Variants in TFDP2 observed in about 807,000 individuals in gnomAD.
The protein encoded by TFDP2 is transcription factor Dp-2.
In TFDP2, 17 loss-of-function variants were observed where a neutral mutation model predicts 59.3. The observed-to-expected ratio is 0.29, with a 90% CI of 0.20 to 0.43. The LOEUF (loss-of-function observed/expected upper bound fraction) is 0.43, where lower values mean the gene tolerates loss of function less well. Ranked by LOEUF, TFDP2 falls within the 20% of genes least tolerant of loss-of-function variation. The pLI, the probability that TFDP2 is intolerant of heterozygous loss-of-function variation, is 1.00. For missense variants in TFDP2, 391 were observed against 528.8 expected, an observed-to-expected ratio of 0.74 and a Z score of 2.56; for synonymous variants, 180 against 194.7, an observed-to-expected ratio of 0.92 and a Z score of 0.63.
At chr3:142,071,435 C>A (rs1216700140) in intron 3 of TFDP2, among the ~76,000 whole-genome samples, 1 of 151,996 alleles carries the variant, frequency 6.6e-6, no homozygotes, top group African/African-American at 2.4e-5. Flanking sequence ...AAGGAATACA[C>A]GCGTGAGCCA....
intron 1 of TFDP2, among the ~76,000 whole-genome samples, chr3:142,133,862 A>C (rs2062609222): frequency 6.6e-6 from 1 of 151,886 alleles, no homozygotes; most frequent in South Asian, 2.1e-4. Context: ...TAGTGGGACT[A>C]AAAATAGGAG....
intron 3 of TFDP2, among the ~76,000 whole-genome samples, chr3:142,056,913 G>A (rs78916628): frequency 0.045 from 6,899 of 152,252 alleles, 511 homozygotes; most frequent in African/African-American, 0.15. Context: ...AAATACCTAC[G>A]TAAGCCACTC....
intron 3 of TFDP2, among the ~76,000 whole-genome samples, chr3:142,032,385 A>C (rs1946474078): frequency 6.6e-6 from 1 of 151,838 alleles, no homozygotes; most frequent in East Asian, 1.9e-4. Context: ...GTGAGCTACT[A>C]CGCTTAGCTC....
At position 141,986,799 on chromosome 3, in the gene TFDP2, C is replaced by A. The variant is rs1942150354; in HGVS notation, c.356+6739G>T. The stretch of plus-strand genomic sequence containing the variant: ...GCATTCTAGATGCTTCATATCCTTG[C>A]CAAACTTAGCACTGTCTATCCTTTT... On this transcript the variant is annotated intron_variant, in intron 6 of 12. Coordinates refer to ENST00000489671, the MANE Select transcript of TFDP2 (RefSeq NM_001178139.2). Among the ~76,000 whole-genome samples the A allele has an allele frequency of 3.3e-5, 5 of 152,120 alleles. No homozygotes were observed. The South Asian group carries it at 1.0e-3, about 31-fold the overall frequency.
At chr3:141,997,849 CAAAAAAAAAA>C (rs3058569) in intron 4 of TFDP2, among the ~76,000 whole-genome samples, 3 of 84,020 alleles carry the variant, frequency 3.6e-5, no homozygotes, top group South Asian at 4.6e-4. Context: ...GACTCCATCT[CAAAAAAAAAA>C]AAAAAAAAAA....
At chr3:142,129,852 T>C (rs2062428428) in intron 1 of TFDP2, among the ~76,000 whole-genome samples, 1 of 152,068 alleles carries the variant, frequency 6.6e-6, no homozygotes, top group Non-Finnish European at 1.5e-5. Flanking sequence ...TCAACATCCC[T>C]AATGATTAGG....
intron 3 of TFDP2, among the ~76,000 whole-genome samples, chr3:142,023,460 G>A (rs1289422913): frequency 6.6e-6 from 1 of 152,062 alleles, no homozygotes; most frequent in Admixed American, 6.5e-5. Flanking sequence ...CAATGTGCTG[G>A]GATTACAGGC....
At chr3:142,005,132 T>C (rs1366796848) in intron 4 of TFDP2, among the ~76,000 whole-genome samples, 1 of 152,212 alleles carries the variant, frequency 6.6e-6, no homozygotes, top group Non-Finnish European at 1.5e-5. Context: ...ACTGTGGCCT[T>C]GACCTCTTGG....
At chr3:142,038,709 TATC>T (rs1294933409) in intron 3 of TFDP2, among the ~76,000 whole-genome samples, 2 of 152,106 alleles carry the variant, frequency 1.3e-5, no homozygotes, top group Admixed American at 1.3e-4. Context: ...TGTGTACACA[TATC>T]GAGTCTTTCT....
intron 2 of TFDP2, among the ~76,000 whole-genome samples, chr3:142,095,084 G>A (rs918443878): frequency 1.1e-4 from 17 of 151,572 alleles, no homozygotes; most frequent in African/African-American, 1.9e-4. Flanking sequence ...TCTGCGTCCC[G>A]GGTTCAAGCA....
chr3:141,973,123 A>ATTTTTTTTTTT (rs761950988), intron 8 of TFDP2, among the ~76,000 whole-genome samples: 39 of 57,940 alleles, frequency 6.7e-4, no homozygotes, highest in Non-Finnish European at 1.0e-3. Flanking sequence ...ATATATATAT[A>ATTTTTTTTTTT]TTTTTTTTTT....
At chr3:142,039,896 TAAC>T (rs1022995240) in intron 3 of TFDP2, among the ~76,000 whole-genome samples, 3 of 152,056 alleles carry the variant, frequency 2.0e-5, no homozygotes, top group African/African-American at 7.2e-5. Flanking sequence ...AGGTACCAGG[TAAC>T]AGCAGCCCAA....
At chr3:141,982,331 A>G (rs1941580613) in intron 6 of TFDP2, among the ~76,000 whole-genome samples, 1 of 152,206 alleles carries the variant, frequency 6.6e-6, no homozygotes, top group Admixed American at 6.5e-5. Flanking sequence ...GAACTGGTTA[A>G]TGGCTTAAAG....
chr3:141,977,107 T>TATATATATATATATATATATATA (rs1491255094), intron 7 of TFDP2, among the ~76,000 whole-genome samples: 14 of 86,636 alleles, frequency 1.6e-4, no homozygotes, highest in African/African-American at 6.0e-4. Context: ...TATATATATA[T>TATATATATATATATATATATATA]TTTTTTTTTT....
chr3:142,021,578 T>A (rs899961414), intron 3 of TFDP2, among the ~76,000 whole-genome samples: 3 of 152,360 alleles, frequency 2.0e-5, no homozygotes, highest in Middle Eastern at 3.4e-3. Context: ...CTTGGCTTTG[T>A]TGAACATTTT....
In TFDP2 at chr3:142,033,960, C is replaced by T. The variant is rs182159599; in HGVS notation, c.83-28416G>A. On this transcript the variant is annotated intron_variant, in intron 3 of 12. Coordinates refer to ENST00000489671, the MANE Select transcript of TFDP2 (RefSeq NM_001178139.2). The stretch of plus-strand genomic sequence containing the variant: ...TCTCTTCCCACTGAGTTCATCTTAA[C>T]ATTTCAAATGCAGAGATTGTTCCCT... Among the ~76,000 whole-genome samples, 3 of 152,136 alleles carry T rather than the reference C, an allele frequency of 2.0e-5. No individual in the cohort carries two copies. The South Asian group carries it at 6.2e-4, about 32-fold the overall frequency.
At chr3:142,094,254 T>G (rs2061091556) in intron 2 of TFDP2, among the ~76,000 whole-genome samples, 1 of 152,138 alleles carries the variant, frequency 6.6e-6, no homozygotes, top group South Asian at 2.1e-4. Context: ...TTTTGTTACA[T>G]TACACTAACT....
At chr3:142,077,159 C>A (rs1274235116) in intron 3 of TFDP2, among the ~76,000 whole-genome samples, 2 of 152,184 alleles carry the variant, frequency 1.3e-5, no homozygotes, top group African/African-American at 4.8e-5. Context: ...CAGAAGGAAT[C>A]GTCCATCCCA....
intron 3 of TFDP2, among the ~76,000 whole-genome samples, chr3:142,026,298 C>T (rs904190178): frequency 3.3e-5 from 5 of 151,390 alleles, no homozygotes; most frequent in African/African-American, 4.9e-5. Flanking sequence ...GAGCTTGCAG[C>T]GAGATTCCGT....
Sources: gnomAD v4.1 joint callset for allele counts (sites outside exome capture counted in the v4.1 genomes callset) on GRCh38, gnomAD v4.1.1 for gene constraint, MANE v1.5 for transcripts, NCBI Gene and HGNC (gene_info 2026-07-23, HGNC 2026-07-21) for gene names.